Variants in ZHX2 observed in about 807,000 individuals in gnomAD.
The protein encoded by ZHX2 is zinc fingers and homeoboxes protein 2.
ZHX2 carries 6 observed loss-of-function variants against 21.9 expected under a neutral mutation model. The ratio of observed to expected loss-of-function variants is 0.27; its 90% CI spans 0.15 to 0.54. ZHX2 has a LOEUF of 0.54. Ranked by LOEUF, ZHX2 falls within the 20% of genes least tolerant of loss-of-function variation. ZHX2 has a pLI of 0.95. For synonymous variants in ZHX2, 434 were observed against 437.1 expected (o/e 0.99, Z 0.09); for missense variants, 908 against 1,090.7 (o/e 0.83, Z 2.36).
In ZHX2 at chr8:122,954,165, G is replaced by A. The variant is rs887883182; in HGVS notation, c.*4+137G>A. 3 of 785,724 alleles carry A rather than the reference G, an allele frequency of 3.8e-6. No homozygotes were observed. The African/African-American group carries it at 5.2e-5, about 14-fold the overall frequency. 48.7% of individuals were successfully genotyped at this position (785,724 alleles called of 1,614,324 possible). A position where few individuals can be genotyped will look rare whatever the true frequency, so the allele number is the denominator to read the frequency against. On this transcript the variant is annotated intron_variant, in intron 3 of 3. Transcript: ENST00000314393. Reference sequence around the variant, plus strand: ...TCTTTTTCTTGTAATTAACAAATAAGAATGATGTATATTGATCACATACAA... The same window carrying A: ...TCTTTTTCTTGTAATTAACAAATAAAAATGATGTATATTGATCACATACAA...
chr8:122,830,208 T>C (rs892849574), intron 1 of ZHX2, among the ~76,000 whole-genome samples: 27 of 152,210 alleles, frequency 1.8e-4, no homozygotes, highest in South Asian at 8.3e-4. Context: ...AAAGGATTTA[T>C]AGTGTCCTGT....
intron 1 of ZHX2, among the ~76,000 whole-genome samples, chr8:122,854,781 A>G (rs1447393791): frequency 6.6e-6 from 1 of 152,066 alleles, no homozygotes; most frequent in East Asian, 1.9e-4. Context: ...CTTCCAAGGC[A>G]CCCCATAAGA....
chr8:122,874,409 T>A (rs1191236411), intron 2 of ZHX2, among the ~76,000 whole-genome samples: 1 of 152,204 alleles, frequency 6.6e-6, no homozygotes, highest in Non-Finnish European at 1.5e-5. Flanking sequence ...CTCAGCTTAC[T>A]GCAACTTCCG....
chr8:122,968,251 T>C lies in ZHX2; in HGVS notation c.*5-4991T>C, dbSNP rs115603992. On this transcript the variant is annotated intron_variant, in intron 3 of 3. Coordinates refer to ENST00000314393, the MANE Select transcript of ZHX2 (RefSeq NM_014943.5). ...GCAGGAAAGGCATTCCTACTGTCTC[T>C]GAGCCTCCCTGCAAGCAGCTTGAGG... 2.1e-3 allele frequency among the ~76,000 whole-genome samples: 326 copies of C among 152,282 alleles called. 2 individuals carry two copies. Among genetic ancestry groups the C allele is most frequent in the African/African-American group, 7.6e-3 (316 of 41,558 alleles).
intron 2 of ZHX2, among the ~76,000 whole-genome samples, chr8:122,931,755 G>A (rs1203056374): frequency 2.0e-5 from 3 of 152,168 alleles, no homozygotes; most frequent in Non-Finnish European, 4.4e-5. Flanking sequence ...CTAGGATGTG[G>A]CCTGAGCACC....
At chr8:122,836,929 C>T (rs754655648) in intron 1 of ZHX2, among the ~76,000 whole-genome samples, 11 of 152,226 alleles carry the variant, frequency 7.2e-5, no homozygotes, top group African/African-American at 2.4e-5. Context: ...GTAGGAGGTC[C>T]GCACAAGATA....
At chr8:122,829,198 G>A (rs1034296784) in intron 1 of ZHX2, among the ~76,000 whole-genome samples, 3 of 152,218 alleles carry the variant, frequency 2.0e-5, no homozygotes, top group Non-Finnish European at 4.4e-5. Flanking sequence ...AAGCCACACC[G>A]CTGGTAAATG....
At chr8:122,966,510 A>G (rs1336407097) in intron 3 of ZHX2, among the ~76,000 whole-genome samples, 1 of 152,160 alleles carries the variant, frequency 6.6e-6, no homozygotes, top group Non-Finnish European at 1.5e-5. Flanking sequence ...CAGGGTTTCT[A>G]CTGAGAAATC....
At chr8:122,893,788 A>T (rs1015455198) in intron 2 of ZHX2, among the ~76,000 whole-genome samples, 1 of 152,100 alleles carries the variant, frequency 6.6e-6, no homozygotes, top group Non-Finnish European at 1.5e-5. Flanking sequence ...TAAGATCATT[A>T]TTTTGTATTT....
intron 2 of ZHX2, among the ~76,000 whole-genome samples, chr8:122,929,214 T>C (rs1820924720): frequency 6.6e-6 from 1 of 152,218 alleles, no homozygotes; most frequent in Admixed American, 6.5e-5. Context: ...TCTTTCCCTG[T>C]TTGCCTGCTT....
At position 122,808,519 on chromosome 8, in the gene ZHX2, C is replaced by T. The variant is rs117656679; in HGVS notation, c.-283+26573C>T. On this transcript the variant is annotated intron_variant, in intron 1 of 3. Transcript: ENST00000314393. ...TAGAATAGCAGCATGGGGGTAACCG[C>T]TCCCATGATTCAGTTACCTCCCACC... Among the ~76,000 whole-genome samples, 1,133 of 152,290 alleles carry T rather than the reference C, an allele frequency of 7.4e-3. 41 individuals are homozygous for T. The East Asian group carries it at 0.081, about 11-fold the overall frequency.
intron 3 of ZHX2, among the ~76,000 whole-genome samples, chr8:122,956,590 CAAGAA>C: frequency 6.6e-6 from 1 of 152,050 alleles, no homozygotes; most frequent in Admixed American, 6.6e-5. Flanking sequence ...AGTCCAGAGA[CAAGAA>C]AAGGAATGCC....
chr8:122,946,934 G>C (rs551311908), intron 2 of ZHX2, among the ~76,000 whole-genome samples: 16 of 152,066 alleles, frequency 1.1e-4, no homozygotes, highest in Admixed American at 4.6e-4. Flanking sequence ...TCACTGAGCT[G>C]CAGTTCCCAA....
At chr8:122,860,125 T>C (rs1819126700) in intron 1 of ZHX2, among the ~76,000 whole-genome samples, 1 of 152,088 alleles carries the variant, frequency 6.6e-6, no homozygotes, top group Non-Finnish European at 1.5e-5. Flanking sequence ...GGCACCTTCT[T>C]CACAAGGCAG....
intron 1 of ZHX2, among the ~76,000 whole-genome samples, chr8:122,843,135 C>T (rs540774723): frequency 1.3e-5 from 2 of 152,298 alleles, no homozygotes; most frequent in Non-Finnish European, 2.9e-5. Flanking sequence ...CAGAGACCCT[C>T]GAAATGATTG....
At chr8:122,820,141 C>G (rs143479051) in intron 1 of ZHX2, among the ~76,000 whole-genome samples, 2 of 152,290 alleles carry the variant, frequency 1.3e-5, no homozygotes, top group South Asian at 2.1e-4. Flanking sequence ...CATTCTTACT[C>G]AAACCCAGGG....
chr8:122,901,204 T>A (rs1820221856), intron 2 of ZHX2, among the ~76,000 whole-genome samples: 1 of 152,202 alleles, frequency 6.6e-6, no homozygotes, highest in Non-Finnish European at 1.5e-5. Context: ...GAAGAAATCA[T>A]GCTAGAATGT....
intron 2 of ZHX2, among the ~76,000 whole-genome samples, chr8:122,939,681 C>T (rs549715245): frequency 6.6e-6 from 1 of 152,270 alleles, no homozygotes; most frequent in East Asian, 1.9e-4. Flanking sequence ...TCTACTAAAA[C>T]AGAGAGGCGA....
In ZHX2 at chr8:122,792,785, C is replaced by T. The variant is rs1817542697; in HGVS notation, c.-283+10839C>T. The stretch of plus-strand genomic sequence containing the variant: ...GGACTAGAGGAAAGCAAATGAGGTA[C>T]CCAGCGTGCAAAATTTAAGGTGACA... On this transcript the variant is annotated intron_variant, in intron 1 of 3. Coordinates refer to ENST00000314393, the MANE Select transcript of ZHX2 (RefSeq NM_014943.5). 2.0e-5 allele frequency among the ~76,000 whole-genome samples: 3 copies of T among 152,162 alleles called. No homozygotes were observed. In the South Asian group the frequency reaches 6.2e-4, roughly 32 times the overall value.
Sources: gnomAD v4.1 joint callset for allele counts (sites outside exome capture counted in the v4.1 genomes callset) on GRCh38, gnomAD v4.1.1 for gene constraint, MANE v1.5 for transcripts, NCBI Gene and HGNC (gene_info 2026-07-23, HGNC 2026-07-21) for gene names.